The following SH3RF3 variants were observed in gnomAD, a reference collection of about 807,000 sequenced individuals.
SH3RF3 encodes the protein E3 ubiquitin-protein ligase SH3RF3.
Under a neutral mutation model 66.3 loss-of-function variants are expected in SH3RF3, and 29 were observed. That is an observed-to-expected ratio of 0.44 (90% CI 0.33 to 0.60). SH3RF3 has a LOEUF of 0.60. Ranked by LOEUF, SH3RF3 falls within the 20% of genes least tolerant of loss-of-function variation. The pLI, the probability that SH3RF3 is intolerant of heterozygous loss-of-function variation, is 0.04. For synonymous variants in SH3RF3, 583 were observed against 532.0 expected, an observed-to-expected ratio of 1.10 and a Z score of -1.32; for missense variants, 1,194 against 1,190.9, an observed-to-expected ratio of 1.00 and a Z score of -0.04.
intron 1 of SH3RF3, among the ~76,000 whole-genome samples, chr2:109,147,297 C>T (rs1677122175): frequency 6.6e-6 from 1 of 152,146 alleles, no homozygotes; most frequent in Non-Finnish European, 1.5e-5. Flanking sequence ...GCTGCTCTCT[C>T]TCTATCAGAG....
intron 2 of SH3RF3, among the ~76,000 whole-genome samples, chr2:109,352,752 A>G (rs553725297): frequency 6.6e-6 from 1 of 152,288 alleles, no homozygotes; most frequent in African/African-American, 2.4e-5. Context: ...TCTGTGCACA[A>G]TGATGCCTCC....
At chr2:109,170,309 C>A (rs1053217486) in intron 1 of SH3RF3, among the ~76,000 whole-genome samples, 35 of 124,192 alleles carry the variant, frequency 2.8e-4, no homozygotes, top group African/African-American at 1.0e-3. Context: ...CTTCTCTTCT[C>A]TTCTCTCCTC....
rs1204912800 is a variant in SH3RF3 at position 109,238,125 on chromosome 2, T to C, written c.573+108012T>C. Among the ~76,000 whole-genome samples the C allele has an allele frequency of 1.3e-5, 2 of 152,130 alleles. 1 individual carries two copies. Among genetic ancestry groups the C allele is most frequent in the African/African-American group, 4.8e-5 (2 of 41,436 alleles). On this transcript the variant is annotated intron_variant, in intron 1 of 9. Coordinates refer to ENST00000309415, the MANE Select transcript of SH3RF3 (RefSeq NM_001099289.3). The stretch of plus-strand genomic sequence containing the variant: ...TGAGGCAGGAGCATTTCTTGAGCCT[T>C]GGAGTTGGAGGCTGCAGTGAACCAT...
chr2:109,220,821 G>A (rs947000530), intron 1 of SH3RF3, among the ~76,000 whole-genome samples: 1 of 152,250 alleles, frequency 6.6e-6, no homozygotes, highest in Non-Finnish European at 1.5e-5. Context: ...AAATGGTACA[G>A]CTGCTGTGCA....
chr2:109,315,636 G>T (rs922759350), intron 1 of SH3RF3, among the ~76,000 whole-genome samples: 2 of 152,260 alleles, frequency 1.3e-5, no homozygotes, highest in Non-Finnish European at 2.9e-5. Context: ...GTCCAGAGAA[G>T]AGACGCCTGT....
chr2:109,150,804 G>A (rs747878174), intron 1 of SH3RF3, among the ~76,000 whole-genome samples: 1 of 152,030 alleles, frequency 6.6e-6, no homozygotes, highest in African/African-American at 2.4e-5. Context: ...TTATCAGGCT[G>A]TTCAGACTTG....
chr2:109,383,201 G>A (rs2104386207), intron 3 of SH3RF3, among the ~76,000 whole-genome samples: 1 of 152,352 alleles, frequency 6.6e-6, no homozygotes, highest in South Asian at 2.1e-4. Context: ...CTGGGTGCCT[G>A]TAGGATGACA....
intron 8 of SH3RF3, among the ~76,000 whole-genome samples, chr2:109,478,629 G>T (rs1678753138): frequency 6.6e-6 from 1 of 152,126 alleles, no homozygotes; most frequent in South Asian, 2.1e-4. Context: ...TAAGAAGTTT[G>T]TTGGAATGCG....
At position 109,456,230 on chromosome 2, in the gene SH3RF3, G is replaced by T. The variant is rs182410181; in HGVS notation, c.2148+6741G>T. ...TGGTTAGTGGCACTGGCGTTGGCTGGGCAGAAGGGGTCGCAGAGTCAGCCC... is the reference window on the plus strand; with the variant it reads ...TGGTTAGTGGCACTGGCGTTGGCTGTGCAGAAGGGGTCGCAGAGTCAGCCC... On this transcript the variant is annotated intron_variant, in intron 8 of 9. Coordinates refer to ENST00000309415, the MANE Select transcript of SH3RF3 (RefSeq NM_001099289.3). Among the ~76,000 whole-genome samples, 5 of 152,324 alleles carry T rather than the reference G, an allele frequency of 3.3e-5. No homozygotes were observed. The East Asian group carries it at 9.7e-4, about 29-fold the overall frequency.
intron 1 of SH3RF3, among the ~76,000 whole-genome samples, chr2:109,279,839 T>G (rs1410240918): frequency 6.6e-6 from 1 of 151,090 alleles, no homozygotes; most frequent in Non-Finnish European, 1.5e-5. Flanking sequence ...TGGGGGCTGG[T>G]GGGGCCTGCC....
intron 3 of SH3RF3, among the ~76,000 whole-genome samples, chr2:109,372,337 G>C (rs992952276): frequency 6.6e-6 from 1 of 152,224 alleles, no homozygotes; most frequent in Non-Finnish European, 1.5e-5. Flanking sequence ...CTGGGGCTGT[G>C]TGTGTATGTA....
intron 1 of SH3RF3, among the ~76,000 whole-genome samples, chr2:109,273,145 A>G (rs1401015754): frequency 1.3e-5 from 2 of 152,226 alleles, no homozygotes; most frequent in Admixed American, 1.3e-4. Context: ...TGAATTTTAA[A>G]ATCCGCTGTA....
rs1209305535 is a variant in SH3RF3 at position 109,309,537 on chromosome 2, A to AT, written c.574-38135dup. 3.1e-5 allele frequency among the ~76,000 whole-genome samples: 4 copies of AT among 129,160 alleles called. 1 individual carries two copies. Among genetic ancestry groups the AT allele is most frequent in the Non-Finnish European group, 6.2e-5 (4 of 64,078 alleles). 84.7% of individuals were successfully genotyped at this position (129,160 alleles called of 152,430 possible). ...AAATGTAAATGGACTAAATGCTCCA[A>AT]TTAAAAGACACAGACTGGCAAATTG... is the stretch of plus-strand genomic sequence containing the variant. On this transcript the variant is annotated intron_variant, in intron 1 of 9. Transcript: ENST00000309415.
intron 2 of SH3RF3, among the ~76,000 whole-genome samples, chr2:109,368,708 TAAAAAA>T (rs372666198): frequency 2.2e-5 from 3 of 136,812 alleles, no homozygotes; most frequent in East Asian, 4.1e-4. Context: ...GTATTTTCTT[TAAAAAA>T]AAAAAAAAAG....
At chr2:109,362,092 TTTTA>T (rs748718029) in intron 2 of SH3RF3, among the ~76,000 whole-genome samples, 9 of 152,126 alleles carry the variant, frequency 5.9e-5, no homozygotes, top group Admixed American at 1.3e-4. Flanking sequence ...ATTTCTTTTA[TTTTA>T]TTTATTATTT....
intron 1 of SH3RF3, among the ~76,000 whole-genome samples, chr2:109,342,749 C>T (rs1373205876): frequency 7.2e-5 from 11 of 152,226 alleles, no homozygotes; most frequent in Middle Eastern, 6.8e-3. Flanking sequence ...CAGTAGAAGC[C>T]GGAGATGGCG....
intron 4 of SH3RF3, among the ~76,000 whole-genome samples, chr2:109,409,682 G>A (rs1483514040): frequency 3.9e-5 from 6 of 152,002 alleles, no homozygotes; most frequent in African/African-American, 1.2e-4. Context: ...GGGGCTCCCC[G>A]GCCACTGCCC....
At chr2:109,424,069 C>G (rs535809341) in intron 5 of SH3RF3, among the ~76,000 whole-genome samples, 1 of 152,190 alleles carries the variant, frequency 6.6e-6, no homozygotes, top group Non-Finnish European at 1.5e-5. Context: ...ACATCCCCAC[C>G]GGTACCGGCA....
intron 1 of SH3RF3, among the ~76,000 whole-genome samples, chr2:109,337,803 G>A (rs1682459057): frequency 6.6e-6 from 1 of 151,896 alleles, no homozygotes; most frequent in Non-Finnish European, 1.5e-5. Flanking sequence ...TCATAGCTCA[G>A]TGCAGCCTCA....
Sources: gnomAD v4.1 joint callset for allele counts (sites outside exome capture counted in the v4.1 genomes callset) on GRCh38, gnomAD v4.1.1 for gene constraint, MANE v1.5 for transcripts, NCBI Gene and HGNC (gene_info 2026-07-23, HGNC 2026-07-21) for gene names.